CACNA1D: variants seen among roughly 807,000 people sequenced by gnomAD.
CACNA1D encodes calcium voltage-gated channel subunit alpha1 D.
In CACNA1D, 55 loss-of-function variants were observed where a neutral mutation model predicts 257.1. The ratio of observed to expected loss-of-function variants is 0.21; its 90% confidence interval spans 0.17 to 0.27. The LOEUF is 0.27. Among genes scored for constraint, CACNA1D ranks in the 10% least tolerant of loss-of-function variants. The pLI, the probability that CACNA1D is intolerant of heterozygous loss-of-function variation, is 1.00. For synonymous variants in CACNA1D, 980 were observed against 1,014.9 expected (o/e 0.97, Z 0.65); for missense variants, 1,876 against 2,784.0 (o/e 0.67, Z 7.34).
At position 53,673,703 on chromosome 3, in the gene CACNA1D, C is replaced by T. The variant is rs748585081; in HGVS notation, c.1220+577C>T. On this transcript the variant is annotated intron_variant, in intron 8 of 47. Coordinates refer to ENST00000350061, the MANE Select transcript of CACNA1D (RefSeq NM_001128840.3). This position sits in a 1 kb window ranked among gnomAD's most constrained non-coding sequence, Gnocchi z 4.1. The stretch of plus-strand genomic sequence containing the variant: ...GGATAACTGATAACTGATCTCCTTA[C>T]ATTTTACAGGTAAATGATGCGATAG... 1.9e-6 allele frequency: 3 copies of T among 1,589,378 alleles called. No individual in the cohort carries two copies. The highest frequency in any genetic ancestry group is 2.6e-6 in the Non-Finnish European group (3 of 1,157,490).
chr3:53,551,370 G>A (rs930551920), intron 3 of CACNA1D, among the ~76,000 whole-genome samples: 21 of 152,330 alleles, frequency 1.4e-4, no homozygotes, highest in African/African-American at 5.0e-4. Flanking sequence ...CAGGCTCCCT[G>A]TAAGGGAAGA....
chr3:53,688,725 G>T (rs535446248), intron 8 of CACNA1D, among the ~76,000 whole-genome samples: 1 of 152,212 alleles, frequency 6.6e-6, no homozygotes, highest in African/African-American at 2.4e-5. Context: ...ACTGTCATGA[G>T]TTTGGTTTTG....
chr3:53,772,902 A>T lies in CACNA1D; in HGVS notation c.4110+4A>T, dbSNP rs778522968. ...CTATGCGGTCATTGGCATGCAGGTA[A>T]GCTCCAGCCATCTCGCCCTCAGGGG... On this transcript the variant is annotated splice_donor_region_variant and intron_variant, in intron 33 of 47. Coordinates refer to ENST00000350061, the MANE Select transcript of CACNA1D (RefSeq NM_001128840.3). 2 of 1,613,472 alleles carry T rather than the reference A, an allele frequency of 1.2e-6. No homozygotes were observed. Among genetic ancestry groups the T allele is most frequent in the South Asian group, 1.1e-5 (1 of 91,058 alleles).
chr3:53,666,089 C>G (rs141406154), intron 6 of CACNA1D, among the ~76,000 whole-genome samples: 1 of 150,160 alleles, frequency 6.7e-6, no homozygotes, highest in East Asian at 1.9e-4. Context: ...ATTGTGCTAT[C>G]TAAGCCTAAG....
chr3:53,654,693 A>G (rs1313094311), intron 4 of CACNA1D, among the ~76,000 whole-genome samples: 2 of 152,196 alleles, frequency 1.3e-5, no homozygotes, highest in East Asian at 3.8e-4. Context: ...TTGGTATTAT[A>G]ATGGCAAAGT....
At chr3:53,769,723 T>A (rs548005203) in intron 30 of CACNA1D, among the ~76,000 whole-genome samples, 7 of 152,368 alleles carry the variant, frequency 4.6e-5, no homozygotes, top group African/African-American at 1.7e-4. Flanking sequence ...CTTTACTGGA[T>A]GCCTGTCAGC....
intron 3 of CACNA1D, among the ~76,000 whole-genome samples, chr3:53,562,110 A>G (rs1489631688): frequency 6.6e-6 from 1 of 152,186 alleles, no homozygotes; most frequent in Non-Finnish European, 1.5e-5. Flanking sequence ...AGGAACTTAG[A>G]GTTTGATAGG....
At chr3:53,606,392 G>A (rs2093510927) in intron 3 of CACNA1D, among the ~76,000 whole-genome samples, 1 of 152,216 alleles carries the variant, frequency 6.6e-6, no homozygotes, top group Non-Finnish European at 1.5e-5. Flanking sequence ...TCTGGTTACA[G>A]CAAATGTGAC....
At chr3:53,733,265 C>G (rs553652704) in intron 19 of CACNA1D, among the ~76,000 whole-genome samples, 1 of 152,358 alleles carries the variant, frequency 6.6e-6, no homozygotes, top group African/African-American at 2.4e-5. Context: ...TGGGGAAAGC[C>G]TTGTCCACCC....
intron 3 of CACNA1D, among the ~76,000 whole-genome samples, chr3:53,631,399 G>A (rs983418164): frequency 6.6e-6 from 1 of 152,152 alleles, no homozygotes; most frequent in African/African-American, 2.4e-5. Context: ...TCTTGAGATT[G>A]CAGCAATTCA....
Position 53,735,487 on chromosome 3 carries a change from A to G in CACNA1D, c.2735A>G (p.His912Arg). The change falls in exon 20 of 48, where the codon CAC becomes CGC. Residue 912 changes from histidine to arginine, a missense_variant. Physicochemically the swap from His to Arg is conservative, Grantham distance 29. Transcript: ENST00000350061. ...GCCGCAGAGGACCCCATCCGCAGCCACTCCTTCCGGAACACGGTAAGTCCC... is the reference window on the plus strand; with the variant it reads ...GCCGCAGAGGACCCCATCCGCAGCCGCTCCTTCCGGAACACGGTAAGTCCC... ...ALAAEDPIRS[H>R]SFRNTILGYF... 2.5e-6 allele frequency: 4 copies of G among 1,613,676 alleles called. No individual in the cohort carries two copies. The highest frequency in any genetic ancestry group is 1.1e-5 in the South Asian group (1 of 91,046).
chr3:53,514,608 A>T (rs1041881172), intron 3 of CACNA1D, among the ~76,000 whole-genome samples: 1 of 152,204 alleles, frequency 6.6e-6, no homozygotes, highest in African/African-American at 2.4e-5. Flanking sequence ...CCTGGCTCCT[A>T]GAAAGCACTG....
intron 9 of CACNA1D, among the ~76,000 whole-genome samples, chr3:53,717,232 G>A (rs755957992): frequency 1.3e-5 from 2 of 152,162 alleles, no homozygotes; most frequent in Admixed American, 1.3e-4. Flanking sequence ...TCTGCACCCC[G>A]GCAGAATTAA....
At chr3:53,498,306 C>T (rs562718852) in intron 2 of CACNA1D, among the ~76,000 whole-genome samples, 2 of 152,278 alleles carry the variant, frequency 1.3e-5, no homozygotes, top group African/African-American at 4.8e-5. Context: ...TAAAATTGAA[C>T]TCCAAATGCC....
rs2095199710 is a variant in CACNA1D, at chr3:53,749,024, T to C, written c.3315-244T>C. 10 of 637,936 alleles carry C rather than the reference T, an allele frequency of 1.6e-5. No individual in the cohort carries two copies. The South Asian group carries it at 1.7e-4, about 11-fold the overall frequency. The allele number at this position is 637,936 out of a possible 1,614,324, so 39.5% of individuals were successfully genotyped here. A position where few individuals can be genotyped will look rare whatever the true frequency, so the allele number is the denominator to read the frequency against. The stretch of plus-strand genomic sequence containing the variant: ...TGTTTTAGGATATTTGTGAAATCTT[T>C]TGATTTTCAGTTCCTCAGAACAGTC... On this transcript the variant is annotated intron_variant, in intron 26 of 47. Coordinates refer to ENST00000350061, the MANE Select transcript of CACNA1D (RefSeq NM_001128840.3).
Position 53,787,083 on chromosome 3 carries a change from C to T in CACNA1D, c.4923+131C>T, listed in dbSNP as rs573158101. 185 of 921,348 alleles carry T rather than the reference C, an allele frequency of 2.0e-4. 1 individual carries two copies. In the South Asian group the frequency reaches 2.7e-3, roughly 13 times the overall value. 57.1% of individuals were successfully genotyped at this position (921,348 alleles called of 1,614,324 possible). Reference sequence around the variant, plus strand: ...TTTGTTTAAACTGAGATACTACACACTCCCCCAAATGTGGACTAGCCATTT... The same window carrying T: ...TTTGTTTAAACTGAGATACTACACATTCCCCCAAATGTGGACTAGCCATTT... On this transcript the variant is annotated intron_variant, in intron 40 of 47. Coordinates refer to ENST00000350061, the MANE Select transcript of CACNA1D (RefSeq NM_001128840.3).
At chr3:53,649,804 C>T (rs562576429) in intron 3 of CACNA1D, among the ~76,000 whole-genome samples, 1 of 152,332 alleles carries the variant, frequency 6.6e-6, no homozygotes, top group South Asian at 2.1e-4. Context: ...ATTTAAGTAG[C>T]TTCATGCCGA....
intron 9 of CACNA1D, among the ~76,000 whole-genome samples, chr3:53,709,633 G>A (rs1189562128): frequency 6.6e-6 from 1 of 152,128 alleles, no homozygotes; most frequent in Non-Finnish European, 1.5e-5. Context: ...CCCTCCCCTA[G>A]AGCACAGGGT....
intron 29 of CACNA1D, among the ~76,000 whole-genome samples, chr3:53,758,822 G>T (rs1324878897): frequency 2.0e-5 from 3 of 152,158 alleles, no homozygotes; most frequent in Non-Finnish European, 4.4e-5. Context: ...AGAGGAGAGA[G>T]CAGGGAGAGG....
Sources: gnomAD v4.1 joint callset for allele counts (sites outside exome capture counted in the v4.1 genomes callset) on GRCh38, gnomAD v4.1.1 for gene constraint, Gnocchi (gnomAD v3.1) non-coding constraint, MANE v1.5 for transcripts, NCBI Gene and HGNC (gene_info 2026-07-23, HGNC 2026-07-21) for gene names.